Variants in KCNH7 observed in about 807,000 individuals in gnomAD.
KCNH7 encodes voltage-gated inwardly rectifying potassium channel KCNH7.
A neutral mutation model predicts 120.8 loss-of-function variants in KCNH7; 49 were observed. The ratio of observed to expected loss-of-function variants is 0.41; its 90% CI spans 0.32 to 0.51. The LOEUF is 0.51. Ranked by LOEUF, KCNH7 falls within the 20% of genes least tolerant of loss-of-function variation. The probability of loss-of-function intolerance (pLI) is 0.38; values close to 1 mark genes in which losing one functional copy is unlikely to be tolerated. For missense variants in KCNH7, 1,097 were observed against 1,446.6 expected (o/e 0.76, Z 3.92); for synonymous variants, 547 against 516.1 (o/e 1.06, Z -0.81).
At chr2:162,471,333 T>C (rs577947913) in intron 6 of KCNH7, among the ~76,000 whole-genome samples, 9 of 152,144 alleles carry the variant, frequency 5.9e-5, no homozygotes, top group African/African-American at 1.9e-4. Flanking sequence ...AACAAGCATC[T>C]AAAATGAATC....
chr2:162,417,658 G>A (rs1687579753), intron 9 of KCNH7, among the ~76,000 whole-genome samples: 1 of 151,958 alleles, frequency 6.6e-6, no homozygotes, highest in African/African-American at 2.4e-5. Context: ...TATTTTTCTT[G>A]ACTTAAGATG....
chr2:162,467,158 T>C (rs1689336765), intron 6 of KCNH7, among the ~76,000 whole-genome samples: 1 of 152,232 alleles, frequency 6.6e-6, no homozygotes, highest in Non-Finnish European at 1.5e-5. Context: ...GAATTGCCTG[T>C]CTTTAGGAAA....
intron 2 of KCNH7, among the ~76,000 whole-genome samples, chr2:162,735,392 A>T (rs988191297): frequency 5.9e-5 from 9 of 152,194 alleles, no homozygotes; most frequent in African/African-American, 1.7e-4. Context: ...TAGTTAAAAA[A>T]TAACCTGCCA....
chr2:162,375,904 A>G (rs569849437), intron 14 of KCNH7, among the ~76,000 whole-genome samples: 5 of 151,872 alleles, frequency 3.3e-5, no homozygotes, highest in Admixed American at 6.6e-5. Flanking sequence ...CTAAAAAAAA[A>G]AAAAAAAGAA....
intron 6 of KCNH7, among the ~76,000 whole-genome samples, chr2:162,471,436 G>T (rs920920633): frequency 6.6e-6 from 1 of 152,108 alleles, no homozygotes; most frequent in Non-Finnish European, 1.5e-5. Context: ...GTGTATACAC[G>T]TGTTTGAGAG....
intron 2 of KCNH7, among the ~76,000 whole-genome samples, chr2:162,575,974 A>G (rs1007757197): frequency 2.6e-5 from 4 of 152,092 alleles, no homozygotes; most frequent in African/African-American, 9.7e-5. Flanking sequence ...CTTGAAGAAA[A>G]TGGGGTTTTT....
At position 162,429,383 on chromosome 2, in the gene KCNH7, C is replaced by CTTTTTT. The variant is rs60854157; in HGVS notation, c.1954+5809_1954+5814dup. ...AGACATTTAGAAATGAGGAAAAAGT[C>CTTTTTT]TTTTTTTTTTTTTTTTTTTTTTACT... On this transcript the variant is annotated intron_variant, in intron 8 of 15. Coordinates refer to ENST00000332142, the MANE Select transcript of KCNH7 (RefSeq NM_033272.4). Among the ~76,000 whole-genome samples, 89 of 86,188 alleles carry CTTTTTT rather than the reference C, an allele frequency of 1.0e-3. 10 individuals are homozygous for CTTTTTT. Among genetic ancestry groups the CTTTTTT allele is most frequent in the African/African-American group, 3.1e-3 (49 of 15,972 alleles). The allele number at this position is 86,188 out of a possible 152,430, so 56.5% of individuals were successfully genotyped here. A position where few individuals can be genotyped will look rare whatever the true frequency, so the allele number is the denominator to read the frequency against.
At chr2:162,705,456 G>T (rs914551550) in intron 2 of KCNH7, among the ~76,000 whole-genome samples, 1 of 152,132 alleles carries the variant, frequency 6.6e-6, no homozygotes, top group Admixed American at 6.6e-5. Flanking sequence ...TATAACATTT[G>T]TCTTTTCAAG....
At chr2:162,501,914 A>G (rs371731791) in intron 6 of KCNH7, 1 of 152,226 alleles carries the variant, frequency 6.6e-6, no homozygotes, top group East Asian at 1.9e-4. Flanking sequence ...TTTCTATATT[A>G]CAAAGCTAAA....
At chr2:162,522,282 A>T (rs1425683256) in intron 3 of KCNH7, among the ~76,000 whole-genome samples, 1 of 151,886 alleles carries the variant, frequency 6.6e-6, no homozygotes, top group African/African-American at 2.4e-5. Flanking sequence ...GACTACTTTT[A>T]TTAATTTTTC....
At chr2:162,795,744 GT>G (rs1333107803) in intron 2 of KCNH7, 1 of 152,044 alleles carries the variant, frequency 6.6e-6, no homozygotes. Flanking sequence ...AGTACACATA[GT>G]TAGGATTCAA....
intron 6 of KCNH7, among the ~76,000 whole-genome samples, chr2:162,494,473 T>G (rs1480532777): frequency 1.3e-5 from 2 of 152,168 alleles, no homozygotes; most frequent in East Asian, 3.9e-4. Flanking sequence ...ATTTCCAAAG[T>G]GATGTTTTAT....
intron 4 of KCNH7, among the ~76,000 whole-genome samples, chr2:162,515,698 T>C (rs549945719): frequency 2.6e-5 from 4 of 151,920 alleles, no homozygotes; most frequent in Admixed American, 6.6e-5. Flanking sequence ...AGCGGTTTCA[T>C]TCTGTCAGGA....
intron 2 of KCNH7, among the ~76,000 whole-genome samples, chr2:162,615,049 T>A (rs908110260): frequency 1.3e-5 from 2 of 152,218 alleles, no homozygotes; most frequent in African/African-American, 4.8e-5. Context: ...TCTAACATAC[T>A]TGAAGAATTT....
intron 2 of KCNH7, among the ~76,000 whole-genome samples, chr2:162,699,046 T>C (rs1574280354): frequency 1.3e-5 from 2 of 152,170 alleles, no homozygotes; most frequent in South Asian, 4.1e-4. Context: ...AATTAACATA[T>C]GCATTACCTC....
chr2:162,787,080 C>T (rs550204367), intron 2 of KCNH7, among the ~76,000 whole-genome samples: 2 of 152,332 alleles, frequency 1.3e-5, no homozygotes, highest in Admixed American at 1.3e-4. Flanking sequence ...CAGTATCAGG[C>T]CTTCTCCAGT....
At chr2:162,548,544 C>T (rs546071269) in intron 2 of KCNH7, among the ~76,000 whole-genome samples, 3 of 152,142 alleles carry the variant, frequency 2.0e-5, no homozygotes, top group Admixed American at 2.0e-4. Context: ...TACATTGAGA[C>T]CACAGAGAAG....
chr2:162,731,261 TATA>T (rs1156611355), intron 2 of KCNH7, among the ~76,000 whole-genome samples: 15 of 148,544 alleles, frequency 1.0e-4, no homozygotes, highest in African/African-American at 2.7e-4. Flanking sequence ...TAATATTATA[TATA>T]ATAATATATA....
At chr2:162,394,267 G>T in intron 12 of KCNH7, 122 bp downstream of exon 12, 1 of 674,962 alleles carries the variant, frequency 1.5e-6, no homozygotes, top group Non-Finnish European at 2.7e-6. Flanking sequence ...TAAAGCAAAG[G>T]ATCTGCCCTC....
Sources: gnomAD v4.1 joint callset for allele counts (sites outside exome capture counted in the v4.1 genomes callset) on GRCh38, gnomAD v4.1.1 for gene constraint, MANE v1.5 for transcripts, NCBI Gene and HGNC (gene_info 2026-07-23, HGNC 2026-07-21) for gene names.